The following TMC1 variants were observed in gnomAD, a reference collection of about 807,000 sequenced individuals.
The protein encoded by TMC1 is transmembrane channel-like protein 1.
In TMC1, 84 loss-of-function variants were observed where a neutral mutation model predicts 105.8. That is an observed-to-expected ratio of 0.79 (90% CI 0.67 to 0.95). The LOEUF (loss-of-function observed/expected upper bound fraction) is 0.95, where lower values mean the gene tolerates loss of function less well. Among genes scored for constraint, TMC1 ranks in the 40% least tolerant of loss-of-function variants. TMC1 has a pLI of 0.00. For missense variants in TMC1, 817 were observed against 914.1 expected (o/e 0.89, Z 1.37); for synonymous variants, 315 against 311.5 (o/e 1.01, Z -0.12).
chr9:72,680,013 A>G (rs762820174), intron 5 of TMC1, among the ~76,000 whole-genome samples: 1 of 152,124 alleles, frequency 6.6e-6, no homozygotes, highest in Non-Finnish European at 1.5e-5. Context: ...GGGGGCAGAA[A>G]TAATATTTCT....
intron 8 of TMC1, among the ~76,000 whole-genome samples, chr9:72,725,325 GTATATATATATATATATATATATATATA>G (rs57562145): frequency 9.0e-5 from 7 of 77,680 alleles, no homozygotes; most frequent in South Asian, 5.5e-4. Context: ...ATGTGTGTAT[GTATATATATATATATATATATATATATA>G]TATATATATA....
chr9:72,706,630 G>A (rs142146843), intron 8 of TMC1, among the ~76,000 whole-genome samples: 14 of 152,114 alleles, frequency 9.2e-5, no homozygotes, highest in East Asian at 7.7e-4. Context: ...ATGCATTTCC[G>A]TCCTCATAGC....
intron 1 of TMC1, among the ~76,000 whole-genome samples, chr9:72,550,573 G>A (rs772522512): frequency 1.3e-5 from 2 of 151,006 alleles, no homozygotes; most frequent in Non-Finnish European, 2.9e-5. Flanking sequence ...CAGGAGAATG[G>A]CGTGAACCCA....
chr9:72,595,938 G>A (rs781377952), intron 2 of TMC1, among the ~76,000 whole-genome samples: 20 of 150,416 alleles, frequency 1.3e-4, no homozygotes, highest in Admixed American at 4.6e-4. Context: ...GTGCAGTGGC[G>A]TGATCTCGGC....
chr9:72,544,312 G>A (rs759471147), intron 1 of TMC1, among the ~76,000 whole-genome samples: 11 of 151,730 alleles, frequency 7.2e-5, no homozygotes, highest in Non-Finnish European at 1.6e-4. Flanking sequence ...CCTATAAGGT[G>A]TCATATGACC....
intron 5 of TMC1, among the ~76,000 whole-genome samples, chr9:72,685,267 C>A (rs374974665): frequency 2.6e-5 from 4 of 151,346 alleles, no homozygotes; most frequent in Middle Eastern, 3.4e-3. Context: ...CCACCACACC[C>A]GGATAATTTT....
chr9:72,543,358 T>G (rs562036923), intron 1 of TMC1, among the ~76,000 whole-genome samples: 3 of 152,356 alleles, frequency 2.0e-5, no homozygotes, highest in South Asian at 4.1e-4. Flanking sequence ...TCTCCCCTGC[T>G]ACTAGTCTGT....
At position 72,663,527 on chromosome 9, in the gene TMC1, T is replaced by C. The variant is rs944562930; in HGVS notation, c.16+14863T>C. Among the ~76,000 whole-genome samples, 3 of 152,154 alleles carry C rather than the reference T, an allele frequency of 2.0e-5. No homozygotes were observed. The East Asian group carries it at 5.8e-4, about 29-fold the overall frequency. On this transcript the variant is annotated intron_variant, in intron 5 of 23. Coordinates refer to ENST00000297784, the MANE Select transcript of TMC1 (RefSeq NM_138691.3). ...ACTATAAACTAAGTTCCTCCCAAAG[T>C]TAGTTGGACCTGTCCCCAGGAATGG...
At chr9:72,653,808 C>T (rs1825847646) in intron 5 of TMC1, among the ~76,000 whole-genome samples, 1 of 152,108 alleles carries the variant, frequency 6.6e-6, no homozygotes, top group African/African-American at 2.4e-5. Flanking sequence ...ACCTCTAGAC[C>T]CAAGCAATTG....
chr9:72,739,420 T>A (rs1827352549), intron 8 of TMC1, among the ~76,000 whole-genome samples: 1 of 152,254 alleles, frequency 6.6e-6, no homozygotes, highest in African/African-American at 2.4e-5. Context: ...AATTATAGTG[T>A]ATGTAGCATG....
chr9:72,654,801 C>G (rs1475816867), intron 5 of TMC1, among the ~76,000 whole-genome samples: 7 of 146,596 alleles, frequency 4.8e-5, no homozygotes, highest in Non-Finnish European at 3.0e-5. Flanking sequence ...TTTTTTTTTT[C>G]TTCCATATTT....
intron 5 of TMC1, among the ~76,000 whole-genome samples, chr9:72,663,838 CAT>C (rs1385448829): frequency 6.6e-6 from 1 of 152,066 alleles, no homozygotes; most frequent in Non-Finnish European, 1.5e-5. Flanking sequence ...ACTGTACAAA[CAT>C]ATTTTCTTTA....
intron 1 of TMC1, among the ~76,000 whole-genome samples, chr9:72,539,712 A>T (rs1010940343): frequency 6.6e-6 from 1 of 152,004 alleles, no homozygotes; most frequent in East Asian, 1.9e-4. Context: ...GGTTCTTCCA[A>T]CCTCTGTCCA....
intron 1 of TMC1, among the ~76,000 whole-genome samples, chr9:72,574,114 C>T (rs1359428677): frequency 1.3e-5 from 2 of 152,178 alleles, no homozygotes; most frequent in African/African-American, 4.8e-5. Context: ...CCTGCAAAAG[C>T]CATGATCTTG....
rs72200654 is a variant in TMC1 at position 72,700,713 on chromosome 9, C to CATATATAT, written c.362+94_362+101dup. On this transcript the variant is annotated intron_variant, in intron 8 of 23. Coordinates refer to ENST00000297784, the MANE Select transcript of TMC1 (RefSeq NM_138691.3). ...GATTTTCTAAATCCTCTGAATATTC[C>CATATATAT]ATATATATATATATATATATATATA... 125 of 320,970 alleles carry CATATATAT rather than the reference C, an allele frequency of 3.9e-4. 1 individual carries two copies. Among genetic ancestry groups the CATATATAT allele is most frequent in the African/African-American group, 2.8e-3 (99 of 34,804 alleles). The allele number at this position is 320,970 out of a possible 1,614,324, so 19.9% of individuals were successfully genotyped here. A position where few individuals can be genotyped will look rare whatever the true frequency, so the allele number is the denominator to read the frequency against.
chr9:72,577,998 G>C lies in TMC1; in HGVS notation c.-331G>C, dbSNP rs1029715001. 6.6e-6 allele frequency: 1 copy of C among 151,798 alleles called. No homozygotes were observed. Among genetic ancestry groups the C allele is most frequent in the East Asian group, 1.9e-4 (1 of 5,152 alleles). The allele number at this position is 151,798 out of a possible 1,614,324, so 9.4% of individuals were successfully genotyped here. On this transcript the variant is annotated 5_prime_UTR_variant, in exon 2 of 24. Transcript: ENST00000297784. ...CAGGTTCAAGTGATTCTCCTGCCTCGGCCTCCTGAGTAGCTGGGATTTCAG... is the reference window on the plus strand; with the variant it reads ...CAGGTTCAAGTGATTCTCCTGCCTCCGCCTCCTGAGTAGCTGGGATTTCAG...
At chr9:72,567,013 C>T (rs1164132699) in intron 1 of TMC1, among the ~76,000 whole-genome samples, 4 of 152,216 alleles carry the variant, frequency 2.6e-5, no homozygotes, top group Admixed American at 2.0e-4. Flanking sequence ...CAAGTTCAAG[C>T]TCTCTAGTGT....
At chr9:72,668,649 C>G (rs750581531) in intron 5 of TMC1, among the ~76,000 whole-genome samples, 1 of 152,148 alleles carries the variant, frequency 6.6e-6, no homozygotes, top group African/African-American at 2.4e-5. Context: ...AAAGTCCGGT[C>G]CTGAGCTCTA....
At chr9:72,565,715 A>G (rs567055038) in intron 1 of TMC1, among the ~76,000 whole-genome samples, 5 of 152,290 alleles carry the variant, frequency 3.3e-5, no homozygotes, top group African/African-American at 1.2e-4. Context: ...CCTCACAATC[A>G]TGGTGGAAGG....
Sources: gnomAD v4.1 joint callset for allele counts (sites outside exome capture counted in the v4.1 genomes callset) on GRCh38, gnomAD v4.1.1 for gene constraint, MANE v1.5 for transcripts, NCBI Gene and HGNC (gene_info 2026-07-23, HGNC 2026-07-21) for gene names.